CDKAL1: variants seen among roughly 807,000 people sequenced by gnomAD.
CDKAL1 encodes threonylcarbamoyladenosine tRNA methylthiotransferase.
In CDKAL1, 32 loss-of-function variants were observed where a neutral mutation model predicts 68.2. That is an observed-to-expected ratio of 0.47 (90% CI 0.35 to 0.63). CDKAL1 has a LOEUF of 0.63. Ranked by LOEUF, CDKAL1 falls within the 30% of genes least tolerant of loss-of-function variation. The pLI, the probability that CDKAL1 is intolerant of heterozygous loss-of-function variation, is 0.00. For missense variants in CDKAL1, 606 were observed against 696.7 expected (o/e 0.87, Z 1.47); for synonymous variants, 234 against 244.3 (o/e 0.96, Z 0.39).
At chr6:20,950,015 C>T (rs1764445389) in intron 9 of CDKAL1, among the ~76,000 whole-genome samples, 1 of 152,026 alleles carries the variant, frequency 6.6e-6, no homozygotes, top group Non-Finnish European at 1.5e-5. Flanking sequence ...GTCTTGAACT[C>T]CTGACCTCAA....
chr6:20,936,029 A>G (rs571272494), intron 9 of CDKAL1, among the ~76,000 whole-genome samples: 2 of 152,230 alleles, frequency 1.3e-5, no homozygotes, highest in East Asian at 3.9e-4. Context: ...TAGATATATA[A>G]TAATGAATAG....
At chr6:20,741,622 A>G (rs1429342586) in intron 6 of CDKAL1, among the ~76,000 whole-genome samples, 12 of 151,718 alleles carry the variant, frequency 7.9e-5, no homozygotes, top group Non-Finnish European at 4.4e-5. Flanking sequence ...AGCTCCATCC[A>G]TAGTCCTACA....
intron 10 of CDKAL1, among the ~76,000 whole-genome samples, chr6:20,990,588 C>T (rs1221889894): frequency 1.3e-5 from 2 of 152,350 alleles, no homozygotes; most frequent in South Asian, 2.1e-4. Flanking sequence ...TTCACAATAT[C>T]TAATCTTTGT....
chr6:20,639,757 G>A (rs953060437), intron 4 of CDKAL1, among the ~76,000 whole-genome samples: 2 of 152,108 alleles, frequency 1.3e-5, no homozygotes, highest in Middle Eastern at 3.4e-3. Flanking sequence ...TGCAACCTCC[G>A]CCTCCCATGT....
intron 13 of CDKAL1, among the ~76,000 whole-genome samples, chr6:21,118,284 G>C (rs550718601): frequency 4.6e-5 from 7 of 152,312 alleles, no homozygotes; most frequent in African/African-American, 1.7e-4. Flanking sequence ...GGCCGTTACT[G>C]CTTTTTCCTC....
intron 11 of CDKAL1, among the ~76,000 whole-genome samples, chr6:21,027,770 C>T (rs191953535): frequency 7.9e-5 from 12 of 152,314 alleles, no homozygotes; most frequent in Non-Finnish European, 1.6e-4. Flanking sequence ...ATAAATTCCC[C>T]AGTCTATGGT....
intron 9 of CDKAL1, among the ~76,000 whole-genome samples, chr6:20,924,006 T>G (rs558941221): frequency 1.6e-4 from 24 of 151,214 alleles, no homozygotes; most frequent in Admixed American, 2.6e-4. Flanking sequence ...AGTAAGACCC[T>G]GTCTCTAGAA....
intron 5 of CDKAL1, among the ~76,000 whole-genome samples, chr6:20,714,287 T>G (rs1293475605): frequency 6.6e-6 from 1 of 151,484 alleles, no homozygotes; most frequent in Non-Finnish European, 1.5e-5. Flanking sequence ...AAATATTTTT[T>G]ATTAAATTTT....
At chr6:21,098,534 CT>C (rs34764667) in intron 12 of CDKAL1, among the ~76,000 whole-genome samples, 29,844 of 81,016 alleles carry the variant, frequency 0.37, 3,005 homozygotes, top group East Asian at 0.45. Context: ...GGGTACACAG[CT>C]TTTTTTTTTT....
intron 9 of CDKAL1, among the ~76,000 whole-genome samples, chr6:20,847,186 C>T (rs1362981427): frequency 6.6e-6 from 1 of 152,152 alleles, no homozygotes; most frequent in African/African-American, 2.4e-5. Context: ...GCTCAGTCCC[C>T]TCCTCCTTTC....
rs181745027 is a variant in CDKAL1, at chr6:20,649,290, T to C, written c.287-3T>C. ...TTCTTTTTTGTGTTCATTTTTTTAA[T>C]AGAAAATGCATCCGATGCAGATTTA... is the stretch of plus-strand genomic sequence containing the variant. On this transcript the variant is annotated splice_region_variant and splice_polypyrimidine_tract_variant and intron_variant, in intron 4 of 15. Transcript: ENST00000274695. 6.2e-7 allele frequency: 1 copy of C among 1,600,126 alleles called. No individual in the cohort carries two copies. Among genetic ancestry groups the C allele is most frequent in the South Asian group, 1.1e-5 (1 of 88,956 alleles).
At chr6:20,954,940 G>C (rs1019167171) in intron 9 of CDKAL1, among the ~76,000 whole-genome samples, 1 of 152,118 alleles carries the variant, frequency 6.6e-6, no homozygotes, top group Non-Finnish European at 1.5e-5. Flanking sequence ...TGAGAAAAAT[G>C]GATACCTTAT....
intron 5 of CDKAL1, among the ~76,000 whole-genome samples, chr6:20,726,325 A>T (rs1772655163): frequency 6.6e-6 from 1 of 151,916 alleles, no homozygotes; most frequent in African/African-American, 2.4e-5. Flanking sequence ...CATATATCCT[A>T]CTTTTCTGCA....
chr6:20,920,381 G>A (rs1762899647), intron 9 of CDKAL1, among the ~76,000 whole-genome samples: 1 of 152,204 alleles, frequency 6.6e-6, no homozygotes, highest in Admixed American at 6.5e-5. Context: ...ACTCCAAGAT[G>A]AGACGAGGAT....
chr6:20,760,750 T>C (rs530356225), intron 7 of CDKAL1, among the ~76,000 whole-genome samples: 4 of 152,132 alleles, frequency 2.6e-5, no homozygotes, highest in Admixed American at 6.5e-5. Context: ...ATTCATCCTT[T>C]GTCTTAAGTA....
At chr6:20,983,475 C>T (rs1766268116) in intron 10 of CDKAL1, among the ~76,000 whole-genome samples, 1 of 152,174 alleles carries the variant, frequency 6.6e-6, no homozygotes, top group Admixed American at 6.5e-5. Context: ...GGTCCCAGCA[C>T]TTTGGGAGGC....
intron 4 of CDKAL1, among the ~76,000 whole-genome samples, chr6:20,556,027 A>G (rs1052462035): frequency 3.3e-5 from 5 of 152,084 alleles, no homozygotes; most frequent in South Asian, 2.1e-4. Flanking sequence ...CCACAGGAAC[A>G]TGGTCAGTCT....
chr6:21,144,275 C>T (rs1389825491), intron 13 of CDKAL1, among the ~76,000 whole-genome samples: 5 of 152,192 alleles, frequency 3.3e-5, no homozygotes, highest in African/African-American at 1.2e-4. Context: ...TATTAGCCAG[C>T]CTCACAGAGT....
At chr6:21,015,658 G>C (rs944386500) in intron 11 of CDKAL1, among the ~76,000 whole-genome samples, 12 of 152,024 alleles carry the variant, frequency 7.9e-5, no homozygotes, top group African/African-American at 2.9e-4. Flanking sequence ...CGGGTGCGGT[G>C]GCTCACACCT....
Sources: allele counts gnomAD v4.1 joint callset (sites outside exome capture counted in the v4.1 genomes callset), GRCh38; gene constraint gnomAD v4.1.1; transcripts MANE v1.5; gene names NCBI Gene and HGNC (gene_info 2026-07-23, HGNC 2026-07-21).